The following LINGO2 variants were observed in gnomAD, a reference collection of about 807,000 sequenced individuals.
The protein encoded by LINGO2 is leucine-rich repeat and immunoglobulin-like domain-containing nogo receptor-interacting protein 2.
A neutral mutation model predicts 30.6 loss-of-function variants in LINGO2; 14 were observed. The ratio of observed to expected loss-of-function variants is 0.46; its 90% CI spans 0.30 to 0.72. LINGO2 has a LOEUF of 0.72. Among genes scored for constraint, LINGO2 ranks in the 30% least tolerant of loss-of-function variants. The pLI, the probability that LINGO2 is intolerant of heterozygous loss-of-function variation, is 0.07. For missense variants in LINGO2, 729 were observed against 751.7 expected, an observed-to-expected ratio of 0.97 and a Z score of 0.35; for synonymous variants, 317 against 288.5, an observed-to-expected ratio of 1.10 and a Z score of -1.00.
the LINGO2 span, among the ~76,000 whole-genome samples, chr9:28,839,632 G>C: frequency 6.6e-6 from 1 of 152,128 alleles, no homozygotes; most frequent in Admixed American, 6.5e-5. Flanking sequence ...GTCTAGCTGA[G>C]TCCAGGGGTT....
intron 1 of LINGO2, among the ~76,000 whole-genome samples, chr9:28,592,623 T>C (rs368553240): frequency 6.6e-6 from 1 of 152,054 alleles, no homozygotes; most frequent in South Asian, 2.1e-4. Flanking sequence ...TCCAGTTAGA[T>C]CACATGTCCA....
intron 4 of LINGO2, among the ~76,000 whole-genome samples, chr9:28,094,888 A>T (rs556052672): frequency 6.6e-6 from 1 of 152,130 alleles, no homozygotes. Context: ...GCTTAGAAGC[A>T]TAATGCACTC....
At chr9:28,645,153 C>G (rs972721320) in intron 1 of LINGO2, among the ~76,000 whole-genome samples, 1 of 151,976 alleles carries the variant, frequency 6.6e-6, no homozygotes, top group African/African-American at 2.4e-5. Context: ...ATATACTATA[C>G]CTTAATTCGG....
At chr9:29,021,934 T>C in the LINGO2 span, among the ~76,000 whole-genome samples, 1 of 151,916 alleles carries the variant, frequency 6.6e-6, no homozygotes. Flanking sequence ...ATAAATTATC[T>C]GTTTGTCATG....
chr9:28,531,365 C>T (rs1821231587), intron 1 of LINGO2, among the ~76,000 whole-genome samples: 1 of 151,962 alleles, frequency 6.6e-6, no homozygotes, highest in Admixed American at 6.6e-5. Flanking sequence ...TCCTCTTTTT[C>T]TCCCCAAGTT....
At chr9:28,614,347 G>GA (rs2135797766) in intron 1 of LINGO2, among the ~76,000 whole-genome samples, 1 of 152,172 alleles carries the variant, frequency 6.6e-6, no homozygotes, top group South Asian at 2.1e-4. Flanking sequence ...TTTCATTAGT[G>GA]AAAATAACGA....
intron 4 of LINGO2, among the ~76,000 whole-genome samples, chr9:28,236,010 A>G (rs1488872374): frequency 6.6e-6 from 1 of 152,176 alleles, no homozygotes; most frequent in South Asian, 2.1e-4. Context: ...ATTTAGCCCA[A>G]ATAAGACTAT....
chr9:28,810,684 G>A, the LINGO2 span, among the ~76,000 whole-genome samples: 1 of 152,130 alleles, frequency 6.6e-6, no homozygotes, highest in South Asian at 2.1e-4. Context: ...GAGAAGCCCA[G>A]AAGTCTAGAC....
At chr9:28,143,057 G>C (rs974346096) in intron 4 of LINGO2, among the ~76,000 whole-genome samples, 1 of 152,148 alleles carries the variant, frequency 6.6e-6, no homozygotes, top group African/African-American at 2.4e-5. Context: ...AAAGCTAAGG[G>C]TGGGACTCTA....
intron 1 of LINGO2, among the ~76,000 whole-genome samples, chr9:28,621,494 ATTTGCTTCCTGTCACCACAGG>A (rs1446936320): frequency 6.6e-6 from 1 of 151,764 alleles, no homozygotes; most frequent in Non-Finnish European, 1.5e-5. Flanking sequence ...AGAACCACTG[ATTTGCTTCCTGTCACCACAGG>A]TTAGTTTTAC....
At chr9:28,442,473 GAAT>G (rs1290916544) in intron 2 of LINGO2, among the ~76,000 whole-genome samples, 2 of 152,016 alleles carry the variant, frequency 1.3e-5, no homozygotes, top group African/African-American at 2.4e-5. Context: ...GTTAATTAAA[GAAT>G]AATAAAATAT....
intron 4 of LINGO2, among the ~76,000 whole-genome samples, chr9:28,024,999 T>C (rs1823308891): frequency 6.6e-6 from 1 of 152,222 alleles, no homozygotes. Flanking sequence ...GAGATCATTG[T>C]TTATTATGGC....
chr9:27,993,788 C>A (rs1821516668), intron 5 of LINGO2, among the ~76,000 whole-genome samples: 1 of 151,924 alleles, frequency 6.6e-6, no homozygotes, highest in African/African-American at 2.4e-5. Flanking sequence ...TAAATGGCTG[C>A]AAACATAAAA....
chr9:28,004,828 A>C (rs747564105), intron 5 of LINGO2, among the ~76,000 whole-genome samples: 1 of 152,182 alleles, frequency 6.6e-6, no homozygotes, highest in Non-Finnish European at 1.5e-5. Flanking sequence ...AGAGATAGAA[A>C]TGTTGGAGAA....
chr9:28,645,727 G>C (rs992144721), intron 1 of LINGO2, among the ~76,000 whole-genome samples: 2 of 152,058 alleles, frequency 1.3e-5, no homozygotes, highest in African/African-American at 2.4e-5. Context: ...ATAAGACCTT[G>C]GTAGCCCTAT....
intron 1 of LINGO2, among the ~76,000 whole-genome samples, chr9:28,551,456 G>A (rs1822278345): frequency 6.6e-6 from 1 of 151,868 alleles, no homozygotes; most frequent in Admixed American, 6.6e-5. Context: ...TAGTTTAATA[G>A]AGGTAGGGTT....
chr9:28,494,865 C>A (rs1451559784), intron 1 of LINGO2, among the ~76,000 whole-genome samples: 1 of 152,188 alleles, frequency 6.6e-6, no homozygotes, highest in African/African-American at 2.4e-5. Flanking sequence ...TTCTCCACAT[C>A]CTCTCCAGCA....
At chr9:28,511,071 G>A (rs972791365) in intron 1 of LINGO2, among the ~76,000 whole-genome samples, 1 of 151,708 alleles carries the variant, frequency 6.6e-6, no homozygotes, top group Non-Finnish European at 1.5e-5. Flanking sequence ...CCAGCCCACC[G>A]ATTCAAATGT....
intron 4 of LINGO2, among the ~76,000 whole-genome samples, chr9:28,191,120 A>G (rs1435812500): frequency 6.6e-6 from 1 of 152,218 alleles, no homozygotes; most frequent in Non-Finnish European, 1.5e-5. Flanking sequence ...TTTCCTAGAG[A>G]GAATTTAAGA....
Sources: allele counts gnomAD v4.1 joint callset (sites outside exome capture counted in the v4.1 genomes callset), GRCh38; gene constraint gnomAD v4.1.1; transcripts MANE v1.5; gene names NCBI Gene and HGNC (gene_info 2026-07-23, HGNC 2026-07-21).